SNX30: variants seen among roughly 807,000 people sequenced by gnomAD.
SNX30 encodes sorting nexin-30.
In SNX30, 24 loss-of-function variants were observed where a neutral mutation model predicts 46.4. The observed-to-expected ratio is 0.52, with a 90% CI of 0.37 to 0.73. The LOEUF is 0.73. Among genes scored for constraint, SNX30 ranks in the 30% least tolerant of loss-of-function variants. The probability of loss-of-function intolerance (pLI) is 0.00; values close to 1 mark genes in which losing one functional copy is unlikely to be tolerated. For synonymous variants in SNX30, 189 were observed against 211.5 expected (o/e 0.89, Z 0.92); for missense variants, 533 against 555.7 (o/e 0.96, Z 0.41).
intron 8 of SNX30, among the ~76,000 whole-genome samples, chr9:112,865,775 G>GTATATATA (rs113754962): frequency 7.0e-6 from 1 of 143,776 alleles, no homozygotes; most frequent in Non-Finnish European, 1.5e-5. Context: ...ATGTATGTAT[G>GTATATATA]TATATATATA....
In SNX30 at chr9:112,804,779, C is replaced by G. The variant is rs1840198093; in HGVS notation, c.160C>G (p.Leu54Val). Residue 54 changes from leucine to valine, a missense_variant, in exon 2 of 9, where the codon CTC becomes GTC. Leu to Val is a conservative substitution (Grantham distance 32, BLOSUM62 1). Coordinates refer to ENST00000374232, the MANE Select transcript of SNX30 (RefSeq NM_001012994.2). ...AGGTGCTCTTTTCTTCTTTTAGGAT[C>G]TCATTTTGCCCAACGGTGGTACTCC... The part of the protein sequence containing the change: ...LMARSFGDKD[L>V]ILPNGGTPAG... The G allele has an allele frequency of 5.0e-6, 8 of 1,597,414 alleles. No individual in the cohort carries two copies. The highest frequency in any genetic ancestry group is 6.0e-6 in the Non-Finnish European group (7 of 1,171,318).
At chr9:112,817,885 A>G in intron 3 of SNX30, 70 bp downstream of exon 3, 3 of 980,558 alleles carry the variant, frequency 3.1e-6, no homozygotes, top group Non-Finnish European at 5.0e-6. Context: ...GGTTCACTCA[A>G]CTCTCATCCC....
At chr9:112,880,738 G>C (rs1841565798) in intron 5 of SNX30, among the ~76,000 whole-genome samples, 1 of 152,218 alleles carries the variant, frequency 6.6e-6, no homozygotes, top group Non-Finnish European at 1.5e-5. Context: ...AACAAAGGGT[G>C]TGCCTTTTCC....
chr9:112,845,241 G>A (rs1376264653), intron 6 of SNX30, among the ~76,000 whole-genome samples: 1 of 152,138 alleles, frequency 6.6e-6, no homozygotes, highest in African/African-American at 2.4e-5. Context: ...GGAGGCAATA[G>A]CAGTACAATT....
At chr9:112,844,618 C>A (rs952685800) in intron 6 of SNX30, among the ~76,000 whole-genome samples, 1 of 152,062 alleles carries the variant, frequency 6.6e-6, no homozygotes, top group Non-Finnish European at 1.5e-5. Flanking sequence ...ATTGCCTCCA[C>A]GAAGCCAAGA....
chr9:112,860,071 A>G (rs1841203240), intron 7 of SNX30, among the ~76,000 whole-genome samples: 1 of 151,978 alleles, frequency 6.6e-6, no homozygotes, highest in Admixed American at 6.6e-5. Context: ...TCAGCCTCCT[A>G]AGTAGTTGAG....
At chr9:112,843,911 T>C (rs1588135894) in intron 6 of SNX30, among the ~76,000 whole-genome samples, 1 of 152,176 alleles carries the variant, frequency 6.6e-6, no homozygotes, top group Admixed American at 6.5e-5. Context: ...TAAAGGCTGG[T>C]AAGAGTCTGG....
downstream of SNX30, among the ~76,000 whole-genome samples, chr9:112,883,819 T>G (rs1841612872): frequency 6.6e-6 from 1 of 151,504 alleles, no homozygotes; most frequent in South Asian, 2.1e-4. Flanking sequence ...TGCCTCAGCC[T>G]CCCGAATAAC....
chr9:112,869,172 C>T lies in SNX30; in HGVS notation c.*329C>T. On this transcript the variant is annotated 3_prime_UTR_variant, in exon 9 of 9. Coordinates refer to ENST00000374232, the MANE Select transcript of SNX30 (RefSeq NM_001012994.2). ...ACGCTCTGACATTTCATGACAGTTTCCTCTTTAGGGACAGCTGAGTTGCCA... is the reference window on the plus strand; with the variant it reads ...ACGCTCTGACATTTCATGACAGTTTTCTCTTTAGGGACAGCTGAGTTGCCA... 1 of 275,082 alleles carries T rather than the reference C, an allele frequency of 3.6e-6. No homozygotes were observed. Among genetic ancestry groups the T allele is most frequent in the Non-Finnish European group, 7.1e-6 (1 of 139,896 alleles). 17.0% of individuals were successfully genotyped at this position (275,082 alleles called of 1,614,324 possible). A position where few individuals can be genotyped will look rare whatever the true frequency, so the allele number is the denominator to read the frequency against.
chr9:112,846,321 A>G lies in SNX30; in HGVS notation c.1015-4538A>G, dbSNP rs372396693. ...TGTATGACTTCTCCCCCTCCTTTAA[A>G]TTTTCCAAATTTTGTGTAAAAATAT... On this transcript the variant is annotated intron_variant, in intron 6 of 8. Transcript: ENST00000374232. 3.9e-5 allele frequency among the ~76,000 whole-genome samples: 6 copies of G among 152,166 alleles called. No homozygotes were observed. The East Asian group carries it at 9.6e-4, about 24-fold the overall frequency.
At chr9:112,810,914 G>A (rs1043878857) in intron 2 of SNX30, among the ~76,000 whole-genome samples, 2 of 152,118 alleles carry the variant, frequency 1.3e-5, no homozygotes, top group African/African-American at 4.8e-5. Context: ...GTGGAACGAG[G>A]AGCATGTCAG....
At chr9:112,770,400 C>A (rs947270871) in intron 1 of SNX30, among the ~76,000 whole-genome samples, 3 of 151,722 alleles carry the variant, frequency 2.0e-5, no homozygotes, top group Non-Finnish European at 4.4e-5. Flanking sequence ...CTCGAACTCC[C>A]GACCTTGTGA....
chr9:112,756,632 T>C (rs1169948113), intron 1 of SNX30, among the ~76,000 whole-genome samples: 6 of 152,062 alleles, frequency 3.9e-5, no homozygotes, highest in African/African-American at 1.4e-4. Context: ...AGCTAATTTT[T>C]GTATTTTTAG....
intron 3 of SNX30, among the ~76,000 whole-genome samples, chr9:112,826,562 A>G (rs574753449): frequency 6.6e-6 from 1 of 152,174 alleles, no homozygotes; most frequent in Non-Finnish European, 1.5e-5. Context: ...GGTGCACCCC[A>G]ATGAACAAAT....
intron 1 of SNX30, among the ~76,000 whole-genome samples, chr9:112,778,056 G>C (rs1839778205): frequency 6.6e-6 from 1 of 152,024 alleles, no homozygotes; most frequent in Non-Finnish European, 1.5e-5. Flanking sequence ...AGGTTCATTG[G>C]ACTGGTTGCC....
intron 8 of SNX30, among the ~76,000 whole-genome samples, chr9:112,864,819 A>G (rs1418438340): frequency 1.3e-5 from 2 of 152,120 alleles, no homozygotes; most frequent in East Asian, 1.9e-4. Context: ...GGTGAAGCCT[A>G]TAGACCCCTC....
chr9:112,848,084 G>A (rs894827794), intron 6 of SNX30, among the ~76,000 whole-genome samples: 4 of 152,108 alleles, frequency 2.6e-5, no homozygotes, highest in Non-Finnish European at 4.4e-5. Flanking sequence ...GGCAGGTGGC[G>A]CGAGGCATGA....
intron 5 of SNX30, among the ~76,000 whole-genome samples, chr9:112,836,705 A>T (rs1649510609): frequency 6.6e-6 from 1 of 152,198 alleles, no homozygotes; most frequent in Non-Finnish European, 1.5e-5. Flanking sequence ...AAAAGTGGAG[A>T]CATAGACTCA....
chr9:112,863,827 C>T lies in SNX30; in HGVS notation c.1102-420C>T, dbSNP rs1841276064. ...TCATGTGATCTGGGAGAACCTACCT[C>T]TTCTCTAGTTCCAATATGGGACACA... On this transcript the variant is annotated intron_variant, in intron 7 of 8. Coordinates refer to ENST00000374232, the MANE Select transcript of SNX30 (RefSeq NM_001012994.2). 2.0e-5 allele frequency among the ~76,000 whole-genome samples: 3 copies of T among 152,224 alleles called. No individual in the cohort carries two copies. In the South Asian group the frequency reaches 6.2e-4, roughly 32 times the overall value.
Sources: allele counts gnomAD v4.1 joint callset (sites outside exome capture counted in the v4.1 genomes callset), GRCh38; gene constraint gnomAD v4.1.1; transcripts MANE v1.5; gene names NCBI Gene and HGNC (gene_info 2026-07-23, HGNC 2026-07-21).